Variants in RASL12 observed in about 807,000 individuals in gnomAD.
The protein encoded by RASL12 is ras-like protein family member 12.
Under a neutral mutation model 22.9 loss-of-function variants are expected in RASL12, and 16 were observed. That is an observed-to-expected ratio of 0.70 (90% confidence interval 0.47 to 1.06). The LOEUF (loss-of-function observed/expected upper bound fraction) is 1.06, where lower values mean the gene tolerates loss of function less well. Among genes scored for constraint, RASL12 ranks in the 50% least tolerant of loss-of-function variants. The probability of loss-of-function intolerance (pLI) is 0.00; values close to 1 mark genes in which losing one functional copy is unlikely to be tolerated. For missense variants in RASL12, 306 were observed against 353.1 expected, an observed-to-expected ratio of 0.87 and a Z score of 1.07; for synonymous variants, 159 against 152.2, an observed-to-expected ratio of 1.04 and a Z score of -0.33.
At chr15:65,059,723 A>T (rs966345777) in intron 2 of RASL12, among the ~76,000 whole-genome samples, 1 of 152,108 alleles carries the variant, frequency 6.6e-6, no homozygotes, top group Non-Finnish European at 1.5e-5. Flanking sequence ...TGGCCCCTAG[A>T]CCCTGTTAGC....
chr15:65,058,569 G>C lies in RASL12; in HGVS notation c.283C>G (p.Leu95Val). 1.2e-6 allele frequency: 2 copies of C among 1,604,348 alleles called. No homozygotes were observed. The highest frequency in any genetic ancestry group is 1.7e-6 in the Non-Finnish European group (2 of 1,173,450). Residue 95 changes from leucine (L) to valine (V), a missense_variant, in exon 4 of 5, where the codon CTG becomes GTG. Transcript: ENST00000220062. ...ERYLNWAHAFLVVYSVDSRQS... is the reference protein window; with the variant it reads ...ERYLNWAHAFVVVYSVDSRQS... ...CGGCTGTCGACGCTGTACACCACCA[G>C]GAAGGCATGGGCCCAGTTCAGGTAG... is the stretch of plus-strand genomic sequence containing the variant.
Position 65,058,549 on chromosome 15 carries a change from G to C in RASL12, c.303C>G (p.Asp101Glu). The part of the protein sequence containing the change: ...AHAFLVVYSV[D>E]SRQSFDSSSS... ...TGCTGCTATCAAAGCTCTGGCGGCT[G>C]TCGACGCTGTACACCACCAGGAAGG... Residue 101 changes from aspartate (D) to glutamate (E), a missense_variant, in exon 4 of 5, where the codon GAC becomes GAG. Asp to Glu is a conservative substitution (Grantham distance 45, BLOSUM62 2). Transcript: ENST00000220062. 1.9e-6 allele frequency: 3 copies of C among 1,611,434 alleles called. No individual in the cohort carries two copies. Among genetic ancestry groups the C allele is most frequent in the Non-Finnish European group, 2.5e-6 (3 of 1,178,210 alleles).
chr15:65,067,757 C>A lies in RASL12; in HGVS notation c.79G>T (p.Gly27Trp). ...APLEVNLAILGRRGAGKSALT... is the reference protein window; with the variant it reads ...APLEVNLAILWRRGAGKSALT... ...CCAGACTTGCCAGCCCCGCGGCGCC[C>A]CAGGATGGCCAGGTTGACCTCGAGG... Residue 27 changes from glycine (G) to tryptophan (W), a missense_variant, in exon 1 of 5, where the codon GGG (glycine) becomes TGG (tryptophan). By Grantham distance (184) the Gly-to-Trp change is radical. Coordinates refer to ENST00000220062, the MANE Select transcript of RASL12 (RefSeq NM_016563.4). The A allele has an allele frequency of 6.4e-7, 1 of 1,573,840 alleles. No individual in the cohort carries two copies. Among genetic ancestry groups the A allele is most frequent in the East Asian group, 2.4e-5 (1 of 41,206 alleles).
chr15:65,068,028 CG>C, upstream of RASL12: 1 of 1,124,282 alleles, frequency 8.9e-7, no homozygotes, highest in Non-Finnish European at 1.1e-6. The surrounding 1 kb of genome is among the most constrained non-coding windows in gnomAD (Gnocchi z 4.2). Flanking sequence ...TGGAGCCTGG[CG>C]GGCGGGGCCA....
chr15:65,055,520 T>C (rs1237628707), intron 4 of RASL12, among the ~76,000 whole-genome samples: 1 of 152,204 alleles, frequency 6.6e-6, no homozygotes, highest in Non-Finnish European at 1.5e-5. Context: ...CAGTGCTCAA[T>C]AAATGGTAGC....
At chr15:65,057,205 G>A (rs553264143) in intron 4 of RASL12, among the ~76,000 whole-genome samples, 14 of 152,272 alleles carry the variant, frequency 9.2e-5, no homozygotes, top group South Asian at 4.1e-4. Context: ...TAAACAAAGG[G>A]TCCCTTCCTT....
chr15:65,065,595 C>T (rs890162423), intron 1 of RASL12, among the ~76,000 whole-genome samples: 3 of 152,114 alleles, frequency 2.0e-5, no homozygotes, highest in African/African-American at 7.2e-5. Context: ...CTAGAGTCAG[C>T]CTGGTGAAAC....
At chr15:65,065,963 A>G (rs905618713) in intron 1 of RASL12, among the ~76,000 whole-genome samples, 2 of 152,080 alleles carry the variant, frequency 1.3e-5, no homozygotes, top group Non-Finnish European at 2.9e-5. Context: ...GCCAACTACT[A>G]TACTGGACCC....
At chr15:65,049,389 A>C (rs1452944586), downstream of RASL12, 1 of 151,462 alleles carries the variant, frequency 6.6e-6, no homozygotes, top group Non-Finnish European at 1.5e-5. Flanking sequence ...CCCTCTCAGC[A>C]TCAGGAGCCG....
upstream of RASL12, chr15:65,068,202 C>G: frequency 1.0e-6 from 1 of 993,600 alleles, no homozygotes; most frequent in African/African-American, 1.7e-5. This position sits in a 1 kb window ranked among gnomAD's most constrained non-coding sequence, Gnocchi z 4.2. Flanking sequence ...CCAAACCCGG[C>G]CGGGAAGGAG....
At chr15:65,064,070 G>A (rs2086846848) in intron 2 of RASL12, among the ~76,000 whole-genome samples, 1 of 152,208 alleles carries the variant, frequency 6.6e-6, no homozygotes, top group South Asian at 2.1e-4. Flanking sequence ...GGCTCTCAGT[G>A]AACAGTTTAC....
At chr15:65,052,953 C>T (rs936914948), downstream of RASL12, 1 of 1,541,506 alleles carries the variant, frequency 6.5e-7, no homozygotes, top group Non-Finnish European at 8.8e-7. Flanking sequence ...AACACTGTTC[C>T]CTGTCCCCCC....
At chr15:65,063,438 T>C (rs1246805544) in intron 2 of RASL12, among the ~76,000 whole-genome samples, 2 of 152,116 alleles carry the variant, frequency 1.3e-5, no homozygotes, top group Non-Finnish European at 2.9e-5. Flanking sequence ...CGCCGGCCAG[T>C]GCACCATTGC....
intron 2 of RASL12, among the ~76,000 whole-genome samples, chr15:65,061,217 C>A (rs1039656320): frequency 3.3e-5 from 5 of 152,224 alleles, no homozygotes; most frequent in African/African-American, 1.2e-4. Context: ...GAAGGGATCT[C>A]ACCCAAGGCC....
chr15:65,058,079 G>A (rs1446577595), intron 4 of RASL12, among the ~76,000 whole-genome samples: 3 of 152,122 alleles, frequency 2.0e-5, no homozygotes, highest in African/African-American at 4.8e-5. Context: ...GACCAGCCTG[G>A]CCAAAAAGGC....
chr15:65,054,946 G>A lies in RASL12; in HGVS notation c.754C>T (p.Arg252Cys), dbSNP rs375901025. ...AGGAGAGTCAGGGTAGGCGCCTTGC[G>A]CTTGCTCTGGGCCCGGGATGACTTC... ...TVKSSRAQSK[R>C]KAPTLTLLKG... Residue 252 changes from arginine (R) to cysteine (C), a missense_variant, in exon 5 of 5, where the codon CGC becomes TGC. Coordinates refer to ENST00000220062, the MANE Select transcript of RASL12 (RefSeq NM_016563.4). 34 of 1,614,082 alleles carry A rather than the reference G, an allele frequency of 2.1e-5. No individual in the cohort carries two copies. Among genetic ancestry groups the A allele is most frequent in the Admixed American group, 3.3e-5 (2 of 60,016 alleles).
intron 2 of RASL12, among the ~76,000 whole-genome samples, chr15:65,060,541 G>A (rs2086789236): frequency 6.6e-6 from 1 of 152,184 alleles, no homozygotes; most frequent in Admixed American, 6.5e-5. Flanking sequence ...ATCTGAGAAA[G>A]CAACAAGTGG....
At chr15:65,055,407 GTTC>G (rs1013626093) in intron 4 of RASL12, 133 bp from the exon 5 acceptor site, 1 of 722,144 alleles carries the variant, frequency 1.4e-6, no homozygotes, top group African/African-American at 1.8e-5. Flanking sequence ...GAGTCTCAGC[GTTC>G]TTATCAGTAC....
chr15:65,062,063 CAAAAAAA>C (rs547999122), intron 2 of RASL12, among the ~76,000 whole-genome samples: 2 of 77,422 alleles, frequency 2.6e-5, no homozygotes, highest in Non-Finnish European at 5.5e-5. Context: ...CCTGGGTGAC[CAAAAAAA>C]AAAAAAAAAA....
Sources: gnomAD v4.1 joint callset for allele counts (sites outside exome capture counted in the v4.1 genomes callset) on GRCh38, gnomAD v4.1.1 for gene constraint, Gnocchi (gnomAD v3.1) non-coding constraint, MANE v1.5 for transcripts, NCBI Gene and HGNC (gene_info 2026-07-23, HGNC 2026-07-21) for gene names.